Variants in FMN1 observed in about 807,000 individuals in gnomAD.
The protein encoded by FMN1 is formin 1.
Under a neutral mutation model 132.4 loss-of-function variants are expected in FMN1, and 110 were observed. The observed-to-expected ratio is 0.83, with a 90% CI of 0.71 to 0.97. The LOEUF is 0.97. FMN1 is among the 50% of genes least tolerant of loss of function. FMN1 has a pLI of 0.00. For synonymous variants in FMN1, 722 were observed against 651.7 expected (o/e 1.11, Z -1.64); for missense variants, 1,792 against 1,705.3 (o/e 1.05, Z -0.90).
chr15:32,827,127 A>G (rs1159964559), intron 17 of FMN1, among the ~76,000 whole-genome samples: 1 of 152,188 alleles, frequency 6.6e-6, no homozygotes, highest in Admixed American at 6.5e-5. Context: ...GGTTCACTTT[A>G]CTGAGTGGCC....
rs140082688 is a variant in FMN1 at position 32,776,459 on chromosome 15, T to C, written c.4215+376A>G. ...ACTTCAAATTTTCCAACTATCAAAA[T>C]AGGAGAATCCCTGCCTCTTTCTTTA... On this transcript the variant is annotated intron_variant, in intron 20 of 20. Coordinates refer to ENST00000616417, the MANE Select transcript of FMN1 (RefSeq NM_001277313.2). Among the ~76,000 whole-genome samples, 203 of 152,294 alleles carry C rather than the reference T, an allele frequency of 1.3e-3. 2 individuals carry two copies. Among genetic ancestry groups the C allele is most frequent in the African/African-American group, 4.6e-3 (193 of 41,560 alleles).
intron 10 of FMN1, among the ~76,000 whole-genome samples, chr15:32,923,900 C>T (rs1408410905): frequency 6.6e-6 from 1 of 152,186 alleles, no homozygotes; most frequent in Non-Finnish European, 1.5e-5. Context: ...CAGCGTTACA[C>T]ATCATGGTGA....
intron 10 of FMN1, among the ~76,000 whole-genome samples, chr15:32,910,975 C>G (rs1434234963): frequency 6.6e-6 from 1 of 152,212 alleles, no homozygotes; most frequent in East Asian, 1.9e-4. Flanking sequence ...TAAATGAATT[C>G]AGGCATGTGA....
Position 33,154,408 on chromosome 15 carries a change from A to G in FMN1, c.507T>C (p.Phe169=), listed in dbSNP as rs1241249121. The G allele has an allele frequency of 6.5e-7, 1 of 1,536,052 alleles. No individual in the cohort carries two copies. Among genetic ancestry groups the G allele is most frequent in the African/African-American group, 1.4e-5 (1 of 73,130 alleles). The part of the protein sequence containing the change: ...PRRSSGRRES[F]GALPQKRTKR... Reference sequence around the variant, plus strand: ...TGGTCCTCTTCTGTGGAAGGGCCCCAAAGCTCTCTCTCCTTCCACTAGACC... The same window carrying G: ...TGGTCCTCTTCTGTGGAAGGGCCCCGAAGCTCTCTCTCCTTCCACTAGACC... The change falls in exon 4 of 21, where the codon TTT becomes TTC. Residue 169 remains phenylalanine (F), a synonymous_variant. Transcript: ENST00000616417.
chr15:33,106,780 C>T (rs1273627194), intron 4 of FMN1, among the ~76,000 whole-genome samples: 3 of 152,066 alleles, frequency 2.0e-5, no homozygotes, highest in Admixed American at 1.3e-4. Context: ...GTAGCATCCC[C>T]TCCCCAATCC....
intron 6 of FMN1, among the ~76,000 whole-genome samples, chr15:33,040,988 G>C (rs1429669970): frequency 6.6e-6 from 1 of 152,042 alleles, no homozygotes; most frequent in Non-Finnish European, 1.5e-5. Flanking sequence ...GAATTCAAAA[G>C]GTTGATTATT....
At chr15:33,097,751 ACTT>A (rs1251104966) in intron 4 of FMN1, among the ~76,000 whole-genome samples, 1 of 152,210 alleles carries the variant, frequency 6.6e-6, no homozygotes, top group Non-Finnish European at 1.5e-5. Context: ...TAATAACAGA[ACTT>A]CAAAATACAT....
chr15:32,779,322 C>T (rs1267533292), intron 19 of FMN1, among the ~76,000 whole-genome samples: 1 of 152,140 alleles, frequency 6.6e-6, no homozygotes. Flanking sequence ...TATGTAAATT[C>T]TATCTCAATA....
At chr15:33,029,851 G>T (rs1041778361) in intron 6 of FMN1, among the ~76,000 whole-genome samples, 1 of 152,082 alleles carries the variant, frequency 6.6e-6, no homozygotes. Flanking sequence ...GTAGAAACAG[G>T]AATGTTATAA....
At chr15:33,018,824 T>C (rs904355314) in intron 6 of FMN1, among the ~76,000 whole-genome samples, 2 of 152,154 alleles carry the variant, frequency 1.3e-5, no homozygotes, top group Admixed American at 6.5e-5. Flanking sequence ...TGAATCTGCA[T>C]ACCTTCGCGG....
chr15:32,947,786 T>C (rs1468296393), intron 9 of FMN1, among the ~76,000 whole-genome samples: 2 of 152,056 alleles, frequency 1.3e-5, no homozygotes, highest in Non-Finnish European at 2.9e-5. Context: ...TCCAACTTAA[T>C]AGTGTATAAA....
chr15:32,889,782 T>C (rs1344931738), intron 15 of FMN1, among the ~76,000 whole-genome samples: 1 of 152,234 alleles, frequency 6.6e-6, no homozygotes, highest in Non-Finnish European at 1.5e-5. Context: ...CCATTAATTT[T>C]TTTCCCATAA....
At chr15:32,976,716 CAG>C (rs1333666594) in intron 7 of FMN1, among the ~76,000 whole-genome samples, 1 of 152,084 alleles carries the variant, frequency 6.6e-6, no homozygotes, top group Non-Finnish European at 1.5e-5. Flanking sequence ...AATAGAGAAA[CAG>C]GGCAGGAAAA....
intron 5 of FMN1, among the ~76,000 whole-genome samples, chr15:33,077,371 T>TA (rs1566894784): frequency 6.4e-4 from 21 of 32,708 alleles, no homozygotes; most frequent in African/African-American, 1.2e-3. Flanking sequence ...ATATATATAT[T>TA]TTTTTTATTA....
chr15:33,047,340 T>C (rs1441417522), intron 6 of FMN1, among the ~76,000 whole-genome samples: 2 of 152,226 alleles, frequency 1.3e-5, no homozygotes, highest in Non-Finnish European at 1.5e-5. Flanking sequence ...GGCTTCTTGT[T>C]TTCACCTGTG....
intron 17 of FMN1, among the ~76,000 whole-genome samples, chr15:32,832,305 T>C (rs2058521687): frequency 6.6e-6 from 1 of 152,196 alleles, no homozygotes; most frequent in South Asian, 2.1e-4. Flanking sequence ...GGTTGTCTGT[T>C]TGTGGTGTAT....
chr15:32,846,098 C>T (rs925558917), intron 17 of FMN1, among the ~76,000 whole-genome samples: 3 of 152,144 alleles, frequency 2.0e-5, no homozygotes, highest in Non-Finnish European at 4.4e-5. Context: ...CACTTAAAAA[C>T]ACAACATTTT....
At chr15:33,047,939 A>G (rs1486219531) in intron 6 of FMN1, among the ~76,000 whole-genome samples, 1 of 152,128 alleles carries the variant, frequency 6.6e-6, no homozygotes, top group African/African-American at 2.4e-5. Context: ...CTTCTGTCTG[A>G]GTAGTTATAT....
At chr15:33,185,723 C>T (rs1176557784) in intron 2 of FMN1, among the ~76,000 whole-genome samples, 2 of 151,840 alleles carry the variant, frequency 1.3e-5, no homozygotes, top group East Asian at 1.9e-4. Flanking sequence ...CAGGCACGTG[C>T]CACCACACCC....
Sources: gnomAD v4.1 joint callset for allele counts (sites outside exome capture counted in the v4.1 genomes callset) on GRCh38, gnomAD v4.1.1 for gene constraint, MANE v1.5 for transcripts, NCBI Gene and HGNC (gene_info 2026-07-23, HGNC 2026-07-21) for gene names.